The following DNAI7 variants were observed in gnomAD, a reference collection of about 807,000 sequenced individuals.
The protein encoded by DNAI7 is cancer susceptibility 1.
In DNAI7, 78 loss-of-function variants were observed where a neutral mutation model predicts 86.6. The ratio of observed to expected loss-of-function variants is 0.90; its 90% CI spans 0.75 to 1.09. The LOEUF (loss-of-function observed/expected upper bound fraction) is 1.09. Among genes scored for constraint, DNAI7 ranks in the 50% least tolerant of loss-of-function variants. The pLI, the probability that DNAI7 is intolerant of heterozygous loss-of-function variation, is 0.00. For synonymous variants in DNAI7, 274 were observed against 273.0 expected (o/e 1.00, Z -0.04); for missense variants, 753 against 810.2 (o/e 0.93, Z 0.86).
rs551835899 is a variant in DNAI7, at chr12:25,112,499, C to T, written c.1612-560G>A. Among the ~76,000 whole-genome samples, 15 of 150,290 alleles carry T rather than the reference C, an allele frequency of 1.0e-4. No individual in the cohort carries two copies. In the East Asian group the frequency reaches 2.5e-3, roughly 26 times the overall value. On this transcript the variant is annotated intron_variant, in intron 13 of 15. Coordinates refer to ENST00000395987, the MANE Select transcript of DNAI7 (RefSeq NM_018272.5). ...TTGGCTCACTGCAAGCTCTGCCTCC[C>T]AGGTTCACACCATTCTCCTGCTTCA...
At chr12:25,158,430 T>C (rs1222858917) in intron 4 of DNAI7, 42 bp downstream of exon 4, 5 of 1,457,338 alleles carry the variant, frequency 3.4e-6, no homozygotes, top group Non-Finnish European at 4.8e-6. Context: ...CTGATAGCCA[T>C]AGTTTAAGTA....
rs746889477 is a variant in DNAI7 at position 25,149,627 on chromosome 12, CTTTGAGAAGTATT to C, written c.573_585del (p.Glu191AspfsTer55). 1 of 1,598,246 alleles carries C rather than the reference CTTTGAGAAGTATT, an allele frequency of 6.3e-7. No individual in the cohort carries two copies. Among genetic ancestry groups the C allele is most frequent in the Non-Finnish European group, 8.5e-7 (1 of 1,172,440 alleles). ...ATATATAAGCAAAATATCACACTTA[CTTTGAGAAGTATT>C]TCTGTGGCTACACCGAATTTAAGAT... On this transcript the variant is annotated frameshift_variant and splice_region_variant, in exon 7 of 16. Coordinates refer to ENST00000395987, the MANE Select transcript of DNAI7 (RefSeq NM_018272.5). LOFTEE classifies it high-confidence loss of function.
intron 2 of DNAI7, among the ~76,000 whole-genome samples, chr12:25,171,644 CA>C (rs1948153691): frequency 1.3e-5 from 2 of 152,082 alleles, no homozygotes; most frequent in Non-Finnish European, 2.9e-5. Flanking sequence ...ACCCTAATAC[CA>C]AAATCAGGAA....
At chr12:25,160,945 C>A (rs1337437740) in intron 3 of DNAI7, 168 bp downstream of exon 3, 4 of 519,004 alleles carry the variant, frequency 7.7e-6, no homozygotes, top group Non-Finnish European at 1.4e-5. Context: ...AAGAGACTGG[C>A]ATGTACTAAC....
In DNAI7 at chr12:25,111,187, A is replaced by T. The variant is rs185027461; in HGVS notation, c.1779+585T>A. On this transcript the variant is annotated intron_variant, in intron 14 of 15. Transcript: ENST00000395987. ...TTACTTTGTGTCTTCATATATCACA[A>T]ATGTTTACTAAGCATCTACTATATT... 2.5e-3 allele frequency among the ~76,000 whole-genome samples: 377 copies of T among 152,288 alleles called. 5 individuals carry two copies. The highest frequency in any genetic ancestry group is 0.02 in the South Asian group (98 of 4,822).
At chr12:25,186,646 G>C (rs927658344) in intron 2 of DNAI7, among the ~76,000 whole-genome samples, 1 of 152,122 alleles carries the variant, frequency 6.6e-6, no homozygotes. Flanking sequence ...CAACATCAAT[G>C]TTTCGAATTG....
downstream of DNAI7, chr12:25,108,178 G>GT (rs1565600231): frequency 8.7e-7 from 1 of 1,144,556 alleles, no homozygotes; most frequent in Non-Finnish European, 1.2e-6. Context: ...CAGAATGACT[G>GT]TAAGATAGCT....
At chr12:25,146,870 T>A (rs1944908898) in intron 8 of DNAI7, 131 bp downstream of exon 8, 1 of 589,948 alleles carries the variant, frequency 1.7e-6, no homozygotes, top group Non-Finnish European at 3.0e-6. Flanking sequence ...CAACCCTTAG[T>A]GGGCTAACTT....
intron 9 of DNAI7, among the ~76,000 whole-genome samples, chr12:25,124,650 G>C (rs1004493105): frequency 3.3e-5 from 5 of 152,120 alleles, no homozygotes; most frequent in African/African-American, 1.2e-4. Flanking sequence ...GTTTGAGGGT[G>C]CATGTGAAGG....
chr12:25,123,227 A>C lies in DNAI7; in HGVS notation c.1062T>G (p.Ser354Arg). 6.3e-7 allele frequency: 1 copy of C among 1,599,994 alleles called. No individual in the cohort carries two copies. Among genetic ancestry groups the C allele is most frequent in the South Asian group, 1.1e-5 (1 of 88,846 alleles). Residue 354 changes from serine (S) to arginine (R), a missense_variant, in exon 10 of 16, where the codon AGT (serine) becomes AGG (arginine). Coordinates refer to ENST00000395987, the MANE Select transcript of DNAI7 (RefSeq NM_018272.5). ...IKCEREMKVLSETVSAAQLLL... is the reference protein window; with the variant it reads ...IKCEREMKVLRETVSAAQLLL... Reference sequence around the variant, plus strand: ...TTAGAATACCTGCTGAAACAGTTTCACTTAATACTTTCATCTCTCGTTCAC... The same window carrying C: ...TTAGAATACCTGCTGAAACAGTTTCCCTTAATACTTTCATCTCTCGTTCAC...
At chr12:25,107,797 T>C (rs1949306056), downstream of DNAI7, 1 of 1,599,856 alleles carries the variant, frequency 6.3e-7, no homozygotes, top group Non-Finnish European at 8.6e-7. Context: ...TACCAAATTC[T>C]ATTTGTGTTT....
At chr12:25,154,195 T>A in intron 6 of DNAI7, 124 bp downstream of exon 6, 1 of 716,880 alleles carries the variant, frequency 1.4e-6, no homozygotes, top group Non-Finnish European at 2.2e-6. Context: ...ACCAATTACT[T>A]CTTTTGCTAA....
chr12:25,123,418 G>A (rs1592249590), intron 9 of DNAI7, 132 bp from the exon 10 acceptor site: 1 of 326,750 alleles, frequency 3.1e-6, no homozygotes, highest in Non-Finnish European at 5.5e-6. Context: ...ACTGATACTT[G>A]CTCTACCATA....
chr12:25,168,635 AGT>A (rs1947772940), intron 2 of DNAI7, among the ~76,000 whole-genome samples: 1 of 152,162 alleles, frequency 6.6e-6, no homozygotes, highest in Non-Finnish European at 1.5e-5. Flanking sequence ...TTAAATGAAG[AGT>A]GTTGTTTTTA....
chr12:25,183,818 G>A (rs1159903829), intron 2 of DNAI7, among the ~76,000 whole-genome samples: 1 of 151,946 alleles, frequency 6.6e-6, no homozygotes, highest in Non-Finnish European at 1.5e-5. Flanking sequence ...TATATTCCAT[G>A]TATTTACTGA....
chr12:25,119,374 A>T (rs1940824738), intron 11 of DNAI7, 73 bp from the exon 12 acceptor site: 2 of 831,310 alleles, frequency 2.4e-6, no homozygotes, highest in Non-Finnish European at 3.7e-6. Context: ...GTACTGAATA[A>T]GTTATATAGT....
At chr12:25,160,159 A>C (rs1946676650) in intron 3 of DNAI7, among the ~76,000 whole-genome samples, 1 of 152,062 alleles carries the variant, frequency 6.6e-6, no homozygotes. Flanking sequence ...AAAAATATAC[A>C]TGGTCTTTTA....
chr12:25,184,430 C>T (rs1285036321), intron 2 of DNAI7, among the ~76,000 whole-genome samples: 1 of 152,154 alleles, frequency 6.6e-6, no homozygotes, highest in Non-Finnish European at 1.5e-5. Context: ...CGAGGTTCAT[C>T]CATGCTATAT....
chr12:25,176,985 C>A (rs1171600091), intron 2 of DNAI7, among the ~76,000 whole-genome samples: 1 of 150,658 alleles, frequency 6.6e-6, no homozygotes, highest in Non-Finnish European at 1.5e-5. Flanking sequence ...TCACTACAAC[C>A]TCCACCTCCC....
Sources: gnomAD v4.1 joint callset for allele counts (sites outside exome capture counted in the v4.1 genomes callset) on GRCh38, gnomAD v4.1.1 for gene constraint, MANE v1.5 for transcripts, NCBI Gene and HGNC (gene_info 2026-07-23, HGNC 2026-07-21) for gene names.